The following GIT1 variants were observed in gnomAD, a reference collection of about 807,000 sequenced individuals.
GIT1 encodes the protein ARF GTPase-activating protein GIT1.
Under a neutral mutation model 91.7 loss-of-function variants are expected in GIT1, and 14 were observed. That is an observed-to-expected ratio of 0.15 (90% CI 0.10 to 0.24). The LOEUF is 0.24. GIT1 is among the 10% of genes least tolerant of loss of function. The probability of loss-of-function intolerance (pLI) is 1.00; values close to 1 mark genes in which losing one functional copy is unlikely to be tolerated. For synonymous variants in GIT1, 414 were observed against 418.2 expected, an observed-to-expected ratio of 0.99 and a Z score of 0.12; for missense variants, 717 against 1,024.9, an observed-to-expected ratio of 0.70 and a Z score of 4.10.
In GIT1 at chr17:29,576,941, G is replaced by A. The variant is rs375015355; in HGVS notation, c.1149C>T (p.Tyr383=). The change falls in exon 12 of 20, where the codon TAC becomes TAT. Residue 383 remains tyrosine (Y), a synonymous_variant. Coordinates refer to ENST00000225394, the MANE Select transcript of GIT1 (RefSeq NM_014030.4). ...TGTCCTCGTCAGAGGCCACGCTGTC[G>A]TAGTCGTGTTGGTCGTCGAGGTCAC... is the stretch of plus-strand genomic sequence containing the variant. The part of the protein sequence containing the change: ...SQSDLDDQHD[Y]DSVASDEDTD... 289 of 1,596,326 alleles carry A rather than the reference G, an allele frequency of 1.8e-4. 1 individual carries two copies. The East Asian group carries it at 2.0e-3, about 11-fold the overall frequency.
chr17:29,575,734 C>CT lies in GIT1; in HGVS notation c.1753-32_1753-31insA. On this transcript the variant is annotated intron_variant, in intron 16 of 19. Transcript: ENST00000225394. The surrounding 1 kb of genome is among the most constrained non-coding windows in gnomAD (Gnocchi z 5.5). ...GGGCGGAGGGAAGGGGCTGTGAGCG[C>CT]CGTGTTCCTGGACCCACACTGCCCC... The CT allele has an allele frequency of 6.2e-7, 1 of 1,611,516 alleles. No homozygotes were observed.
chr17:29,588,996 C>T (rs1012474967), intron 1 of GIT1, among the ~76,000 whole-genome samples: 5 of 152,234 alleles, frequency 3.3e-5, no homozygotes, highest in African/African-American at 1.2e-4. Flanking sequence ...CCACGGCCCT[C>T]CTGCCACCCC....
chr17:29,587,659 C>T (rs185354065), intron 1 of GIT1, among the ~76,000 whole-genome samples: 44 of 152,264 alleles, frequency 2.9e-4, no homozygotes, highest in Non-Finnish European at 5.3e-4. Context: ...ACCACAGATT[C>T]GGAGATGGCA....
Position 29,581,328 on chromosome 17 carries a change from G to A in GIT1, c.761+10C>T. 1 of 1,605,304 alleles carries A rather than the reference G, an allele frequency of 6.2e-7. No individual in the cohort carries two copies. Among genetic ancestry groups the A allele is most frequent in the African/African-American group, 1.3e-5 (1 of 74,864 alleles). ...CAGCCTCTGGAAAGGGGCATCAGGT[G>A]GGCACTCACCTGTCAGCCATCTGTG... On this transcript the variant is annotated intron_variant, in intron 7 of 19. Transcript: ENST00000225394. This position sits in a 1 kb window ranked among gnomAD's most constrained non-coding sequence, Gnocchi z 4.8.
Position 29,575,104 on chromosome 17 carries a change from G to A in GIT1, c.2048C>T (p.Thr683Ile), listed in dbSNP as rs1383937496. Reference sequence around the variant, plus strand: ...CTTTGGGAAGAGGGAGGCCATCTCGGTCACAGCCAAATGGATCTTCTCTGA... The same window carrying A: ...CTTTGGGAAGAGGGAGGCCATCTCGATCACAGCCAAATGGATCTTCTCTGA... ...PCSEKIHLAV[T>I]EMASLFPKRP... The change falls in exon 19 of 20, where the codon ACC becomes ATC. Residue 683 changes from threonine to isoleucine, a missense_variant. Physicochemically the swap from Thr to Ile is moderately conservative, Grantham distance 89. Transcript: ENST00000225394. The surrounding 1 kb of genome is among the most constrained non-coding windows in gnomAD (Gnocchi z 5.5). The A allele has an allele frequency of 6.2e-6, 10 of 1,600,394 alleles. 1 individual carries two copies. The highest frequency in any genetic ancestry group is 8.5e-6 in the Non-Finnish European group (10 of 1,169,668).
Position 29,574,854 on chromosome 17 carries a change from G to A in GIT1, c.2134C>T (p.Leu712=). 4 of 1,598,424 alleles carry A rather than the reference G, an allele frequency of 2.5e-6. No homozygotes were observed. The highest frequency in any genetic ancestry group is 2.6e-6 in the Non-Finnish European group (3 of 1,174,954). Residue 712 remains leucine (L), a synonymous_variant, in exon 20 of 20, where the codon CTG becomes TTG. Coordinates refer to ENST00000225394, the MANE Select transcript of GIT1 (RefSeq NM_014030.4). ...ACTGTCTTCCGGCACTCACTCTGCA[G>A]CCGGTAGGCGCTGGCGTTGAGCAGC... is the stretch of plus-strand genomic sequence containing the variant. ...LRLLNASAYR[L]QSECRKTVPP...
intron 1 of GIT1, among the ~76,000 whole-genome samples, chr17:29,586,096 C>A (rs374858656): frequency 1.3e-5 from 2 of 152,094 alleles, no homozygotes; most frequent in Non-Finnish European, 2.9e-5. Context: ...TGAAGGCAGG[C>A]GAGAGTAGTC....
In GIT1 at chr17:29,581,640, C is replaced by A. The variant is rs1215754284; in HGVS notation, c.718+102G>T. The A allele has an allele frequency of 4.5e-6, 4 of 882,288 alleles. No individual in the cohort carries two copies. In the African/African-American group the frequency reaches 5.0e-5, roughly 11 times the overall value. 54.7% of individuals were successfully genotyped at this position (882,288 alleles called of 1,614,324 possible). ...GTTGCCTAGCAACATTGCTCCCCAG[C>A]CGCTCTGTCACCATGGCACCTGCTG... On this transcript the variant is annotated intron_variant, in intron 6 of 19. Transcript: ENST00000225394. This position sits in a 1 kb window ranked among gnomAD's most constrained non-coding sequence, Gnocchi z 4.8.
At chr17:29,583,354 C>T (rs995777161) in intron 2 of GIT1, 129 bp downstream of exon 2, 43 of 941,030 alleles carry the variant, frequency 4.6e-5, no homozygotes, top group Non-Finnish European at 5.3e-5. Flanking sequence ...AGCCTCTGCC[C>T]TAGGGGGGTG....
intron 10 of GIT1, 39 bp from the exon 11 acceptor site, chr17:29,577,286 C>G (rs1436618105): frequency 1.4e-5 from 22 of 1,530,874 alleles, no homozygotes; most frequent in Non-Finnish European, 1.9e-5. Context: ...TCAGGGGACC[C>G]CTTATGACTG....
At chr17:29,584,959 C>CTT (rs11419578) in intron 1 of GIT1, among the ~76,000 whole-genome samples, 4,512 of 102,342 alleles carry the variant, frequency 0.044, 264 homozygotes, top group African/African-American at 0.098. Flanking sequence ...TGGGTTTAGG[C>CTT]TTTTTTTTTT....
Position 29,578,384 on chromosome 17 carries a change from A to G in GIT1, c.811-13T>C. 2 of 1,613,354 alleles carry G rather than the reference A, an allele frequency of 1.2e-6. No homozygotes were observed. The highest frequency in any genetic ancestry group is 1.7e-6 in the Non-Finnish European group (2 of 1,179,356). ...GCCGGTTGCTGAGCTGGAGGAAGAG[A>G]GGGGCCCAGATGTTGTCAGATGCAT... On this transcript the variant is annotated splice_polypyrimidine_tract_variant and intron_variant, in intron 8 of 19. Transcript: ENST00000225394.
At chr17:29,576,776 C>A in intron 12 of GIT1, 87 bp downstream of exon 12, 1 of 1,577,084 alleles carries the variant, frequency 6.3e-7, no homozygotes, top group African/African-American at 1.3e-5. Context: ...GTCCCTCAGG[C>A]CCCTGGGCTA....
chr17:29,573,487 CTTTA>C lies in GIT1; in HGVS notation c.*1211_*1214del, dbSNP rs1400688968. 1 of 152,654 alleles carries C rather than the reference CTTTA, an allele frequency of 6.6e-6. No individual in the cohort carries two copies. The highest frequency in any genetic ancestry group is 1.5e-5 in the Non-Finnish European group (1 of 68,124). The allele number at this position is 152,654 out of a possible 1,614,324, so 9.5% of individuals were successfully genotyped here. On this transcript the variant is annotated 3_prime_UTR_variant, in exon 20 of 20. Coordinates refer to ENST00000225394, the MANE Select transcript of GIT1 (RefSeq NM_014030.4). ...CATCAGAAACAGCTCATGGTCACTT[CTTTA>C]TTTTTGATACAAATGTACATGACAC... is the stretch of plus-strand genomic sequence containing the variant.
chr17:29,583,410 G>A (rs2150848386), intron 2 of GIT1, 73 bp downstream of exon 2: 1 of 1,522,784 alleles, frequency 6.6e-7, no homozygotes, highest in Non-Finnish European at 8.9e-7. Flanking sequence ...GTATGTGGGT[G>A]AGGGGGAAAC....
intron 1 of GIT1, among the ~76,000 whole-genome samples, chr17:29,586,473 G>A (rs2033597354): frequency 6.6e-6 from 1 of 152,088 alleles, no homozygotes; most frequent in African/African-American, 2.4e-5. Context: ...AGTTACATGG[G>A]TATACACACA....
At position 29,581,224 on chromosome 17, in the gene GIT1, TGGGGG is replaced by T; in HGVS notation, c.761+109_761+113del. 1.3e-6 allele frequency: 1 copy of T among 784,314 alleles called. No homozygotes were observed. Among genetic ancestry groups the T allele is most frequent in the Non-Finnish European group, 2.3e-6 (1 of 441,664 alleles). 48.6% of individuals were successfully genotyped at this position (784,314 alleles called of 1,614,324 possible). A position where few individuals can be genotyped will look rare whatever the true frequency, so the allele number is the denominator to read the frequency against. On this transcript the variant is annotated intron_variant, in intron 7 of 19. Transcript: ENST00000225394. The surrounding 1 kb of genome is among the most constrained non-coding windows in gnomAD (Gnocchi z 4.8). ...AGGACTAAGCTGTGCCTCTAGTCTC[TGGGGG>T]GAGGGAGCAGGGTCCTAGGCCTCTG... is the stretch of plus-strand genomic sequence containing the variant.
At chr17:29,585,584 C>T (rs1357233751) in intron 1 of GIT1, among the ~76,000 whole-genome samples, 1 of 152,154 alleles carries the variant, frequency 6.6e-6, no homozygotes, top group African/African-American at 2.4e-5. Context: ...TCTCCTTCTC[C>T]TCCAGGTGAC....
At position 29,576,636 on chromosome 17, in the gene GIT1, C is replaced by T. The variant is rs1269542316; in HGVS notation, c.1266G>A (p.Thr422=). 5 of 1,614,000 alleles carry T rather than the reference C, an allele frequency of 3.1e-6. No homozygotes were observed. The highest frequency in any genetic ancestry group is 4.5e-5 in the East Asian group (2 of 44,884). ...TCTTCAGCTCCAGGTACTCCTGCAG[C>T]GTCACAGCCCCGTCAGACAAGTCCG... The part of the protein sequence containing the change: ...DSSDLSDGAV[T]LQEYLELKKA... The change falls in exon 13 of 20, where the codon ACG becomes ACA. Residue 422 remains threonine, a synonymous_variant. Transcript: ENST00000225394.
Sources: allele counts gnomAD v4.1 joint callset (sites outside exome capture counted in the v4.1 genomes callset), GRCh38; gene constraint gnomAD v4.1.1; non-coding constraint Gnocchi (gnomAD v3.1); transcripts MANE v1.5; gene names NCBI Gene and HGNC (gene_info 2026-07-23, HGNC 2026-07-21).